The following METTL23 variants were observed in gnomAD, a reference collection of about 807,000 sequenced individuals.
METTL23 encodes the protein histone-arginine methyltransferase METTL23.
A neutral mutation model predicts 21.2 loss-of-function variants in METTL23; 24 were observed. The observed-to-expected ratio is 1.13, with a 90% CI of 0.82 to 1.59. The LOEUF is 1.59. METTL23 is among the 40% of genes most tolerant of loss of function. The pLI, the probability that METTL23 is intolerant of heterozygous loss-of-function variation, is 0.00. For missense variants in METTL23, 276 were observed against 221.4 expected (o/e 1.25, Z -1.57); for synonymous variants, 97 against 75.2 (o/e 1.29, Z -1.50).
intron 2 of METTL23, among the ~76,000 whole-genome samples, chr17:76,730,886 G>A (rs949890626): frequency 6.6e-6 from 1 of 152,070 alleles, no homozygotes; most frequent in Admixed American, 6.5e-5. Context: ...GGCGGATCAC[G>A]AGGTCAGGAG....
At chr17:76,731,630 C>T (rs2143840031) in intron 2 of METTL23, among the ~76,000 whole-genome samples, 1 of 152,310 alleles carries the variant, frequency 6.6e-6, no homozygotes, top group Non-Finnish European at 1.5e-5. Context: ...TCTAACCTCA[C>T]TACCTGGCCT....
chr17:76,726,728 G>C, upstream of METTL23: 1 of 526,102 alleles, frequency 1.9e-6, no homozygotes, highest in Non-Finnish European at 3.4e-6. Context: ...GCTCCCCTGG[G>C]GTACTCCTTC....
At position 76,729,969 on chromosome 17, in the gene METTL23, G is replaced by A. The variant is rs1020068160; in HGVS notation, c.84+175G>A. On this transcript the variant is annotated intron_variant, in intron 2 of 4. Coordinates refer to ENST00000341249, the MANE Select transcript of METTL23 (RefSeq NM_001080510.5). ...TTTTGTTTTTGTCTTAAGGTACAGA[G>A]ATTATCCTGGAACTTTTTTTCATTT... Among the ~76,000 whole-genome samples the A allele has an allele frequency of 3.3e-5, 5 of 152,212 alleles. No homozygotes were observed. The East Asian group carries it at 9.6e-4, about 29-fold the overall frequency.
At chr17:76,727,740 C>G (rs1410463600) in intron 1 of METTL23, among the ~76,000 whole-genome samples, 2 of 152,050 alleles carry the variant, frequency 1.3e-5, no homozygotes, top group Non-Finnish European at 2.9e-5. Context: ...TTTTTCTTTT[C>G]TTTTTTTTGA....
chr17:76,732,852 C>T (rs1438392280), intron 2 of METTL23, 126 bp from the exon 3 acceptor site: 1 of 762,996 alleles, frequency 1.3e-6, no homozygotes, highest in Non-Finnish European at 2.1e-6. Context: ...ACATTTTATA[C>T]AAACCCAGAA....
chr17:76,732,229 A>C (rs2077241844), intron 2 of METTL23, among the ~76,000 whole-genome samples: 1 of 141,550 alleles, frequency 7.1e-6, no homozygotes, highest in Admixed American at 6.7e-5. Context: ...GTGGCTGGGC[A>C]CGGTGGCTCA....
intron 2 of METTL23, among the ~76,000 whole-genome samples, chr17:76,731,167 C>T (rs770096162): frequency 2.0e-5 from 3 of 151,844 alleles, no homozygotes; most frequent in South Asian, 4.2e-4. Context: ...CCCAGCTACT[C>T]AGGAGGCTGA....
Position 76,729,783 on chromosome 17 carries a change from G to A in METTL23, c.73G>A (p.Ala25Thr). 6.3e-7 allele frequency: 1 copy of A among 1,590,714 alleles called. No homozygotes were observed. The highest frequency in any genetic ancestry group is 1.3e-5 in the African/African-American group (1 of 74,744). Residue 25 changes from alanine to threonine, a missense_variant, in exon 2 of 5, where the codon GCC (alanine) becomes ACC (threonine). Ala to Thr is a moderately conservative substitution (Grantham distance 58). Transcript: ENST00000341249. ...WFHRRSLPGKAILEIGAGVSL... is the reference protein window; with the variant it reads ...WFHRRSLPGKTILEIGAGVSL... The stretch of plus-strand genomic sequence containing the variant: ...TCACAGAAGATCTCTGCCAGGCAAG[G>A]CCATCTTAGAGGTACAAATGCCCCT...
upstream of METTL23, chr17:76,726,351 A>C: frequency 1.3e-6 from 2 of 1,580,398 alleles, no homozygotes; most frequent in Non-Finnish European, 1.7e-6. Context: ...GCTCACCGCC[A>C]CGGCCGCCGG....
chr17:76,733,545 A>G lies in METTL23; in HGVS notation c.432A>G (p.Leu144=). Residue 144 remains leucine, a synonymous_variant, in exon 5 of 5, where the codon TTA becomes TTG. Coordinates refer to ENST00000341249, the MANE Select transcript of METTL23 (RefSeq NM_001080510.5). The part of the protein sequence containing the change: ...VRSADWSLEA[L]LYKWDMKCVH... ...GTGCTGACTGGTCACTTGAAGCTTT[A>G]CTCTACAAATGGGATATGAAATGTG... 6.2e-7 allele frequency: 1 copy of G among 1,612,288 alleles called. No homozygotes were observed. The highest frequency in any genetic ancestry group is 8.5e-7 in the Non-Finnish European group (1 of 1,179,312).
intron 1 of METTL23, among the ~76,000 whole-genome samples, chr17:76,728,305 T>G (rs1234341929): frequency 7.0e-6 from 1 of 143,804 alleles, no homozygotes; most frequent in African/African-American, 2.9e-5. Context: ...TCACTTTTTT[T>G]TGCTAACTGC....
chr17:76,733,495 TA>T (rs1834300952), intron 4 of METTL23, 25 bp from the exon 5 acceptor site: 2 of 1,601,804 alleles, frequency 1.2e-6, no homozygotes, highest in African/African-American at 1.3e-5. Flanking sequence ...GGCATGACTT[TA>T]AAAGAACAAC....
At chr17:76,732,826 A>T in intron 2 of METTL23, 152 bp from the exon 3 acceptor site, 1 of 653,252 alleles carries the variant, frequency 1.5e-6, no homozygotes, top group Non-Finnish European at 2.6e-6. Flanking sequence ...TGTTTATAGT[A>T]ATGTTCAGTT....
chr17:76,731,487 T>TC lies in METTL23; in HGVS notation c.85-1488dup, dbSNP rs371593248. On this transcript the variant is annotated intron_variant, in intron 2 of 4. Coordinates refer to ENST00000341249, the MANE Select transcript of METTL23 (RefSeq NM_001080510.5). The stretch of plus-strand genomic sequence containing the variant: ...AGAACTCTGCCTTTATGTAATTGCC[T>TC]CCCAAGGCCCACATCAGATGGGTAA... Among the ~76,000 whole-genome samples, 293 of 152,314 alleles carry TC rather than the reference T, an allele frequency of 1.9e-3. 2 individuals carry two copies. Among genetic ancestry groups the TC allele is most frequent in the African/African-American group, 6.2e-3 (259 of 41,560 alleles).
At position 76,733,720 on chromosome 17, in the gene METTL23, A is replaced by G. The variant is rs758437529; in HGVS notation, c.*34A>G. ...TACAACCTGTTCTGGGACAGTATCA[A>G]TACTGATGAGCAACCTGGCACACAA... On this transcript the variant is annotated 3_prime_UTR_variant, in exon 5 of 5. Coordinates refer to ENST00000341249, the MANE Select transcript of METTL23 (RefSeq NM_001080510.5). 1.9e-6 allele frequency: 3 copies of G among 1,575,074 alleles called. No individual in the cohort carries two copies. Among genetic ancestry groups the G allele is most frequent in the Middle Eastern group, 1.7e-4 (1 of 5,942 alleles).
Position 76,732,991 on chromosome 17 carries a change from T to C in METTL23, c.98T>C (p.Val33Ala). ...GKAILEIGAGVSLPGILAAKC... is the reference protein window; with the variant it reads ...GKAILEIGAGASLPGILAAKC... ...ATAACTTATTAGATTGGAGCTGGAG[T>C]GAGCCTTCCAGGAATTTTGGCTGCC... The change falls in exon 3 of 5, where the codon GTG (valine) becomes GCG (alanine). Residue 33 changes from valine to alanine, a missense_variant. Physicochemically the swap from Val to Ala is moderately conservative, Grantham distance 64 (BLOSUM62 0). Transcript: ENST00000341249. The C allele has an allele frequency of 1.3e-6, 2 of 1,575,940 alleles. No homozygotes were observed. The highest frequency in any genetic ancestry group is 1.7e-6 in the Non-Finnish European group (2 of 1,159,432).
intron 2 of METTL23, among the ~76,000 whole-genome samples, chr17:76,730,977 C>T (rs888066718): frequency 1.3e-4 from 20 of 152,210 alleles, no homozygotes; most frequent in African/African-American, 3.4e-4. Context: ...TGGTGGCGGG[C>T]GCCTGTAGTC....
At chr17:76,727,670 G>C (rs1440115486) in intron 1 of METTL23, among the ~76,000 whole-genome samples, 3 of 152,216 alleles carry the variant, frequency 2.0e-5, no homozygotes, top group Non-Finnish European at 2.9e-5. Context: ...GTGTTTCTTG[G>C]GTTGGACCTC....
At chr17:76,728,297 A>C (rs2077041585) in intron 1 of METTL23, among the ~76,000 whole-genome samples, 1 of 142,354 alleles carries the variant, frequency 7.0e-6, no homozygotes, top group Non-Finnish European at 1.5e-5. Context: ...AAACAGCTTC[A>C]CTTTTTTTTG....
Sources: allele counts gnomAD v4.1 joint callset (sites outside exome capture counted in the v4.1 genomes callset), GRCh38; gene constraint gnomAD v4.1.1; transcripts MANE v1.5; gene names NCBI Gene and HGNC (gene_info 2026-07-23, HGNC 2026-07-21).